MLX: variants seen among roughly 807,000 people sequenced by gnomAD.
MLX encodes the protein MAX dimerization protein MLX.
Under a neutral mutation model 33.0 loss-of-function variants are expected in MLX, and 15 were observed. That is an observed-to-expected ratio of 0.45 (90% confidence interval 0.30 to 0.70). The LOEUF (loss-of-function observed/expected upper bound fraction) is 0.70. Among genes scored for constraint, MLX ranks in the 30% least tolerant of loss-of-function variants. The pLI, the probability that MLX is intolerant of heterozygous loss-of-function variation, is 0.07. For synonymous variants in MLX, 115 were observed against 115.6 expected, an observed-to-expected ratio of 0.99 and a Z score of 0.03; for missense variants, 285 against 306.3, an observed-to-expected ratio of 0.93 and a Z score of 0.52.
rs759050230 is a variant in MLX at position 42,573,196 on chromosome 17, G to T, written c.*1593G>T. 22 of 1,614,182 alleles carry T rather than the reference G, an allele frequency of 1.4e-5. No homozygotes were observed. In the East Asian group the frequency reaches 4.9e-4, roughly 36 times the overall value. ...CAAGAAATAAAACCACCCGTTTTCAGATGGGCAGCACTGGGCACTGCCTGT... is the reference window on the plus strand; with the variant it reads ...CAAGAAATAAAACCACCCGTTTTCATATGGGCAGCACTGGGCACTGCCTGT... On this transcript the variant is annotated 3_prime_UTR_variant, in exon 8 of 8. Transcript: ENST00000435881.
In MLX at chr17:42,568,559, G is replaced by T. The variant is rs749814079; in HGVS notation, c.169G>T (p.Asp57Tyr). The change falls in exon 3 of 8, where the codon GAT (aspartate) becomes TAT (tyrosine). Residue 57 changes from aspartate (D) to tyrosine (Y), a missense_variant and splice_region_variant. By Grantham distance (160) the Asp-to-Tyr change is radical (BLOSUM62 -3). Coordinates refer to ENST00000435881, the MANE Select transcript of MLX (RefSeq NM_198204.2). The stretch of plus-strand genomic sequence containing the variant: ...CAGTGCCTCTTCTGTCCCCAACACA[G>T]GTAGGCAGTAACATCCCCCCCGACC... ...STSASSVPNT[D>Y]DEDSDYHQEA... The T allele has an allele frequency of 6.2e-7, 1 of 1,612,694 alleles. No homozygotes were observed. Among genetic ancestry groups the T allele is most frequent in the South Asian group, 1.1e-5 (1 of 91,034 alleles).
intron 3 of MLX, 124 bp from the exon 4 acceptor site, chr17:42,568,713 A>G: frequency 1.8e-6 from 2 of 1,083,336 alleles, no homozygotes; most frequent in Non-Finnish European, 2.8e-6. Flanking sequence ...CATCTGGAAC[A>G]TTAGGTGGTT....
In MLX at chr17:42,572,802, TCC is replaced by T; in HGVS notation, c.*1200_*1201del. 1 of 815,704 alleles carries T rather than the reference TCC, an allele frequency of 1.2e-6. No homozygotes were observed. The allele number at this position is 815,704 out of a possible 1,614,324, so 50.5% of individuals were successfully genotyped here. A position where few individuals can be genotyped will look rare whatever the true frequency, so the allele number is the denominator to read the frequency against. Reference sequence around the variant, plus strand: ...GTCTACCCCCAGCCACCAGCCCTCATCCTCTCTACCCAGTGCTCTGGTTTATG... The same window carrying T: ...GTCTACCCCCAGCCACCAGCCCTCATTCTCTACCCAGTGCTCTGGTTTATG... On this transcript the variant is annotated 3_prime_UTR_variant, in exon 8 of 8. Transcript: ENST00000435881.
intron 2 of MLX, 32 bp from the exon 3 acceptor site, chr17:42,568,438 A>C: frequency 1.3e-6 from 2 of 1,541,494 alleles, no homozygotes; most frequent in Non-Finnish European, 1.8e-6. Flanking sequence ...TCCCCACCCC[A>C]CCCCTTAGTG....
Position 42,567,414 on chromosome 17 carries a change from G to C in MLX, c.43-205G>C. On this transcript the variant is annotated intron_variant, in intron 1 of 7. Transcript: ENST00000435881. ...AGGGGCGGAAGGGATCATACACAGGGGAGGCACTCGCACGCCCTAGCCTGT... is the reference window on the plus strand; with the variant it reads ...AGGGGCGGAAGGGATCATACACAGGCGAGGCACTCGCACGCCCTAGCCTGT... The C allele has an allele frequency of 2.9e-6, 4 of 1,385,528 alleles. No individual in the cohort carries two copies. In the African/African-American group the frequency reaches 5.8e-5, roughly 20 times the overall value. 85.8% of individuals were successfully genotyped at this position (1,385,528 alleles called of 1,614,324 possible). A position where few individuals can be genotyped will look rare whatever the true frequency, so the allele number is the denominator to read the frequency against.
chr17:42,568,893 C>A lies in MLX; in HGVS notation c.226C>A (p.Arg76=), dbSNP rs745504523. The stretch of plus-strand genomic sequence containing the variant: ...CTACAAGGAGTCCTACAAAGACCGG[C>A]GGCGGCGCGCACACACTCAGGCTGA... ...EAYKESYKDR[R]RRAHTQAEQK... is the part of the protein sequence containing the mutation. The change falls in exon 4 of 8, where the codon CGG becomes AGG. Residue 76 remains arginine, a synonymous_variant. Transcript: ENST00000435881. The A allele has an allele frequency of 1.2e-6, 2 of 1,611,450 alleles. No homozygotes were observed. The highest frequency in any genetic ancestry group is 1.7e-6 in the Non-Finnish European group (2 of 1,178,710).
intron 3 of MLX, 113 bp downstream of exon 3, chr17:42,568,672 A>G (rs1460230586): frequency 8.7e-7 from 1 of 1,155,844 alleles, no homozygotes; most frequent in African/African-American, 1.5e-5. Flanking sequence ...GAGCCAAAGT[A>G]TCAGACACAA....
intron 1 of MLX, 29 bp downstream of exon 1, chr17:42,567,195 AG>A: frequency 7.8e-7 from 1 of 1,285,778 alleles, no homozygotes. Flanking sequence ...CACGCCGGCG[AG>A]GGGAGGGCGG....
In MLX at chr17:42,571,561, T is replaced by G. The variant is rs1245733780; in HGVS notation, c.693T>G (p.Ile231Met). The G allele has an allele frequency of 6.2e-7, 1 of 1,614,130 alleles. No individual in the cohort carries two copies. The highest frequency in any genetic ancestry group is 2.2e-5 in the East Asian group (1 of 44,878). Residue 231 changes from isoleucine (I) to methionine (M), a missense_variant, in exon 8 of 8, where the codon ATT (isoleucine) becomes ATG (methionine). Coordinates refer to ENST00000435881, the MANE Select transcript of MLX (RefSeq NM_198204.2). ...EHCKPQTLREIVIGVLHQLKN... is the reference protein window; with the variant it reads ...EHCKPQTLREMVIGVLHQLKN... ...GCCCTCGCCAGACCCTGCGGGAGAT[T>G]GTGATTGGCGTCCTGCACCAATTGA... is the stretch of plus-strand genomic sequence containing the variant.
At chr17:42,569,740 G>C in intron 6 of MLX, 134 bp downstream of exon 6, 1 of 773,998 alleles carries the variant, frequency 1.3e-6, no homozygotes, top group Non-Finnish European at 2.2e-6. Context: ...CAGTAGGACT[G>C]TGTATCCCCA....
chr17:42,570,446 T>C (rs2093026277), intron 7 of MLX, among the ~76,000 whole-genome samples: 3 of 152,206 alleles, frequency 2.0e-5, no homozygotes, highest in East Asian at 1.9e-4. Flanking sequence ...TCGCTGCCCC[T>C]GTATGGAAGC....
chr17:42,567,137 G>A lies in MLX; in HGVS notation c.13G>A (p.Gly5Ser). The A allele has an allele frequency of 7.9e-7, 1 of 1,261,502 alleles. No homozygotes were observed. The highest frequency in any genetic ancestry group is 1.0e-6 in the Non-Finnish European group (1 of 1,003,574). The allele number at this position is 1,261,502 out of a possible 1,614,324, so 78.1% of individuals were successfully genotyped here. Residue 5 changes from glycine to serine, a missense_variant, in exon 1 of 8, where the codon GGC becomes AGC. Transcript: ENST00000435881. MTEPGASPEDPWVKV... is the reference protein window; with the variant it reads MTEPSASPEDPWVKV... The stretch of plus-strand genomic sequence containing the variant: ...CGGTGGGTACAAGATGACGGAGCCG[G>A]GCGCCTCTCCCGAGGACCCTTGGGT...
Position 42,567,172 on chromosome 17 carries a change from C to G in MLX, c.42+6C>G. 1 of 1,296,682 alleles carries G rather than the reference C, an allele frequency of 7.7e-7. No individual in the cohort carries two copies. Among genetic ancestry groups the G allele is most frequent in the Non-Finnish European group, 9.8e-7 (1 of 1,021,452 alleles). The allele number at this position is 1,296,682 out of a possible 1,614,324, so 80.3% of individuals were successfully genotyped here. A position where few individuals can be genotyped will look rare whatever the true frequency, so the allele number is the denominator to read the frequency against. On this transcript the variant is annotated splice_donor_region_variant and intron_variant, in intron 1 of 7. Coordinates refer to ENST00000435881, the MANE Select transcript of MLX (RefSeq NM_198204.2). ...CCGAGGACCCTTGGGTCAAGGCAAG[C>G]CCCGTGGGCGCGCACGCCGGCGAGG...
intron 6 of MLX, 74 bp from the exon 7 acceptor site, chr17:42,569,908 C>G: frequency 3.5e-6 from 5 of 1,414,850 alleles, no homozygotes; most frequent in South Asian, 3.5e-5. Flanking sequence ...TGGGAGTACA[C>G]AGGATAGTCC....
At position 42,572,840 on chromosome 17, in the gene MLX, G is replaced by T; in HGVS notation, c.*1237G>T. 1 of 1,138,868 alleles carries T rather than the reference G, an allele frequency of 8.8e-7. No homozygotes were observed. Among genetic ancestry groups the T allele is most frequent in the Non-Finnish European group, 1.3e-6 (1 of 764,802 alleles). 70.5% of individuals were successfully genotyped at this position (1,138,868 alleles called of 1,614,324 possible). ...GTGCTCTGGTTTATGCTTGTCTCCT[G>T]ACTGCTCTGCTTAAAGGTGAAAGTA... On this transcript the variant is annotated 3_prime_UTR_variant, in exon 8 of 8. Transcript: ENST00000435881.
At chr17:42,567,431 C>T in intron 1 of MLX, 188 bp from the exon 2 acceptor site, 1 of 1,383,012 alleles carries the variant, frequency 7.2e-7, no homozygotes, top group South Asian at 1.4e-5. Context: ...CTCGCACGCC[C>T]TAGCCTGTGC....
intron 4 of MLX, 112 bp from the exon 5 acceptor site, chr17:42,569,092 T>A: frequency 7.8e-7 from 1 of 1,287,478 alleles, no homozygotes; most frequent in Non-Finnish European, 1.1e-6. Flanking sequence ...CTTGCAGCCT[T>A]CCCACCCCAT....
rs751004566 is a variant in MLX, at chr17:42,569,961, C to T, written c.477-21C>T. On this transcript the variant is annotated intron_variant, in intron 6 of 7. Transcript: ENST00000435881. Reference sequence around the variant, plus strand: ...GGGCGGAGCTGCTGCAGCACCTCAGCCCTGGCCTGCATGCTTTTAGGAACT... The same window carrying T: ...GGGCGGAGCTGCTGCAGCACCTCAGTCCTGGCCTGCATGCTTTTAGGAACT... The T allele has an allele frequency of 5.0e-6, 8 of 1,611,386 alleles. No homozygotes were observed. In the Admixed American group the frequency reaches 1.2e-4, roughly 23 times the overall value.
chr17:42,567,204 C>T, intron 1 of MLX, 38 bp downstream of exon 1: 2 of 1,289,874 alleles, frequency 1.6e-6, no homozygotes, highest in Non-Finnish European at 9.8e-7. Context: ...GAGGGGAGGG[C>T]GGGTCGGGCT....
Sources: allele counts gnomAD v4.1 joint callset (sites outside exome capture counted in the v4.1 genomes callset), GRCh38; gene constraint gnomAD v4.1.1; transcripts MANE v1.5; gene names NCBI Gene and HGNC (gene_info 2026-07-23, HGNC 2026-07-21).